BCLAF3: variants seen among roughly 807,000 people sequenced by gnomAD.
The protein encoded by BCLAF3 is BCLAF1 and THRAP3 family member 3.
Under a neutral mutation model 51.2 loss-of-function variants are expected in BCLAF3, and 24 were observed. The observed-to-expected ratio is 0.47, with a 90% CI of 0.34 to 0.66. BCLAF3 has a LOEUF of 0.66. Among genes scored for constraint, BCLAF3 ranks in the 30% least tolerant of loss-of-function variants. The pLI, the probability that BCLAF3 is intolerant of heterozygous loss-of-function variation, is 0.01. For missense variants in BCLAF3, 465 were observed against 525.1 expected (o/e 0.89, Z 1.12); for synonymous variants, 152 against 176.6 (o/e 0.86, Z 1.10).
chrX:19,985,559 T>C lies in BCLAF3; in HGVS notation c.-35+5349A>G, dbSNP rs567766989. On this transcript the variant is annotated intron_variant, in intron 1 of 11. Coordinates refer to ENST00000379682, the MANE Select transcript of BCLAF3 (RefSeq NM_001367774.2). ...TATGATAGACCACTGCACCCCAGCC[T>C]GGGTGACAGAGTGAGACCCTGCCTC... is the stretch of plus-strand genomic sequence containing the variant. Among the ~76,000 whole-genome samples, 3 of 110,763 alleles carry C rather than the reference T, an allele frequency of 2.7e-5. No individual in the cohort carries two copies. In the Admixed American group the frequency reaches 2.9e-4, roughly 11 times the overall value.
At chrX:19,969,412 T>C (rs1163669423) in intron 2 of BCLAF3, among the ~76,000 whole-genome samples, 1 of 112,273 alleles carries the variant, frequency 8.9e-6, no homozygotes, top group Non-Finnish European at 1.9e-5. Context: ...CTCGGTGCCT[T>C]TGCTCCTGCT....
chrX:19,980,129 C>T (rs1410199482), intron 1 of BCLAF3, among the ~76,000 whole-genome samples: 1 of 111,671 alleles, frequency 9.0e-6, no homozygotes, highest in Non-Finnish European at 1.9e-5. Context: ...CCTAAAATAC[C>T]TGAATCTATA....
intron 1 of BCLAF3, among the ~76,000 whole-genome samples, chrX:19,972,667 G>T (rs2072295240): frequency 9.0e-6 from 1 of 111,145 alleles, no homozygotes; most frequent in Non-Finnish European, 1.9e-5. Flanking sequence ...CCCCTCCCCT[G>T]CTTAGCCCGT....
At chrX:19,958,589 C>T (rs1042286342) in intron 4 of BCLAF3, among the ~76,000 whole-genome samples, 16 of 111,958 alleles carry the variant, frequency 1.4e-4, no homozygotes, top group African/African-American at 4.5e-4. Flanking sequence ...TGTTTAGATA[C>T]ACGAATAGTT....
intron 1 of BCLAF3, among the ~76,000 whole-genome samples, chrX:19,981,408 T>C (rs903520619): frequency 9.1e-6 from 1 of 110,299 alleles, no homozygotes; most frequent in African/African-American, 3.3e-5. Context: ...AAAGAAAAAA[T>C]GGATAAATTG....
At chrX:19,962,053 G>A (rs1169670357) in intron 4 of BCLAF3, among the ~76,000 whole-genome samples, 3 of 112,462 alleles carry the variant, frequency 2.7e-5, no homozygotes, top group Non-Finnish European at 5.6e-5. Context: ...TATCTCTAAT[G>A]AGGTCTATTA....
intron 1 of BCLAF3, among the ~76,000 whole-genome samples, chrX:19,977,974 T>C (rs796191701): frequency 9.0e-6 from 1 of 110,810 alleles, no homozygotes; most frequent in Non-Finnish European, 1.9e-5. Context: ...GTTTACAGCA[T>C]GGTTTACTGA....
At chrX:19,989,025 T>A (rs1035842094) in intron 1 of BCLAF3, among the ~76,000 whole-genome samples, 6 of 110,888 alleles carry the variant, frequency 5.4e-5, no homozygotes, top group African/African-American at 2.0e-4. Flanking sequence ...CCTATAGAAA[T>A]CCCTTTAAAT....
At chrX:19,952,885 T>C (rs938649155) in intron 7 of BCLAF3, 103 bp downstream of exon 7, 2 of 586,765 alleles carry the variant, frequency 3.4e-6, no homozygotes, top group Non-Finnish European at 5.3e-6. Context: ...CAATCCTCCT[T>C]CTTCATGTAC....
At chrX:19,936,019 G>A in intron 9 of BCLAF3, 121 bp from the exon 10 acceptor site, 4 of 565,829 alleles carry the variant, frequency 7.1e-6, no homozygotes, top group Non-Finnish European at 1.2e-5. Flanking sequence ...CAGGGAGCAG[G>A]GAGCTTAGCT....
At chrX:19,936,015 G>C (rs1479515048) in intron 9 of BCLAF3, 117 bp from the exon 10 acceptor site, 1 of 588,245 alleles carries the variant, frequency 1.7e-6, no homozygotes, top group Non-Finnish European at 2.8e-6. Context: ...AAAGCAGGGA[G>C]CAGGGAGCTT....
chrX:19,940,939 C>T (rs1336610056), intron 8 of BCLAF3, among the ~76,000 whole-genome samples: 1 of 110,355 alleles, frequency 9.1e-6, no homozygotes, highest in Admixed American at 9.6e-5. Flanking sequence ...CCTGTTGTTT[C>T]CTGACTTTTT....
At chrX:19,950,117 T>C (rs1210073766) in intron 8 of BCLAF3, among the ~76,000 whole-genome samples, 2 of 111,901 alleles carry the variant, frequency 1.8e-5, no homozygotes, top group African/African-American at 3.2e-5. Context: ...ATAGCATAAA[T>C]TGATTTTATC....
chrX:19,929,077 C>T (rs1021565923), intron 11 of BCLAF3: 1 of 111,057 alleles, frequency 9.0e-6, no homozygotes, highest in Admixed American at 9.6e-5. Context: ...TAAGTGTTCT[C>T]AATACAAAAA....
rs1291898681 is a variant in BCLAF3, at chrX:19,991,057, G to C, written c.-184C>G. ...CACCTCTGCCGGGCCGCGGGACCCG[G>C]AACCACTTCCTTCCGGAACCGCCTC... On this transcript the variant is annotated 5_prime_UTR_variant, in exon 1 of 12. Transcript: ENST00000379682. Among the ~76,000 whole-genome samples, 1 of 107,896 alleles carries C rather than the reference G, an allele frequency of 9.3e-6. No individual in the cohort carries two copies. The highest frequency in any genetic ancestry group is 9.6e-5 in the Admixed American group (1 of 10,410). 93.7% of individuals were successfully genotyped at this position (107,896 alleles called of 115,157 possible).
At position 19,941,629 on chromosome X, in the gene BCLAF3, G is replaced by A. The variant is rs12689744; in HGVS notation, c.1746-4097C>T. 3.0e-4 allele frequency among the ~76,000 whole-genome samples: 33 copies of A among 109,032 alleles called. No individual in the cohort carries two copies. The South Asian group carries it at 6.8e-3, about 22-fold the overall frequency. The allele number at this position is 109,032 out of a possible 115,157, so 94.7% of individuals were successfully genotyped here. A position where few individuals can be genotyped will look rare whatever the true frequency, so the allele number is the denominator to read the frequency against. Reference sequence around the variant, plus strand: ...GGGCTCTGTTCTGTTCCATTGATCTGTATCTCTGTTTTGGTACCAGTACCA... The same window carrying A: ...GGGCTCTGTTCTGTTCCATTGATCTATATCTCTGTTTTGGTACCAGTACCA... On this transcript the variant is annotated intron_variant, in intron 8 of 11. Coordinates refer to ENST00000379682, the MANE Select transcript of BCLAF3 (RefSeq NM_001367774.2).
intron 10 of BCLAF3, among the ~76,000 whole-genome samples, chrX:19,933,703 GTTA>G (rs1218854515): frequency 8.9e-6 from 1 of 112,080 alleles, no homozygotes. Flanking sequence ...GTCCTCTAAG[GTTA>G]TTACTATGTC....
At chrX:19,960,540 T>C (rs2071817629) in intron 4 of BCLAF3, among the ~76,000 whole-genome samples, 2 of 112,173 alleles carry the variant, frequency 1.8e-5, no homozygotes, top group Non-Finnish European at 3.8e-5. Context: ...TTAAAATGCA[T>C]ATGAGAAATT....
chrX:19,917,509 T>C (rs2044828403), intron 11 of BCLAF3, among the ~76,000 whole-genome samples, 175 bp from the exon 12 acceptor site: 1 of 111,390 alleles, frequency 9.0e-6, no homozygotes, highest in Non-Finnish European at 1.9e-5. Flanking sequence ...ACAGAACACA[T>C]CAAAGCAATA....
Sources: gnomAD v4.1 joint callset for allele counts (sites outside exome capture counted in the v4.1 genomes callset) on GRCh38, gnomAD v4.1.1 for gene constraint, MANE v1.5 for transcripts, NCBI Gene and HGNC (gene_info 2026-07-23, HGNC 2026-07-21) for gene names.